PDE4D: variants seen among roughly 807,000 people sequenced by gnomAD.
PDE4D encodes 3',5'-cyclic-AMP phosphodiesterase 4D.
In PDE4D, 24 loss-of-function variants were observed where a neutral mutation model predicts 87.4. The observed-to-expected ratio is 0.27, with a 90% CI of 0.20 to 0.39. The LOEUF is 0.39. Among genes scored for constraint, PDE4D ranks in the 10% least tolerant of loss-of-function variants. The probability of loss-of-function intolerance (pLI) is 1.00; values close to 1 mark genes in which losing one functional copy is unlikely to be tolerated. For synonymous variants in PDE4D, 384 were observed against 383.2 expected (o/e 1.00, Z -0.02); for missense variants, 714 against 1,041.0 (o/e 0.69, Z 4.32).
At chr5:59,065,398 G>A (rs1422885512) in intron 5 of PDE4D, among the ~76,000 whole-genome samples, 2 of 152,106 alleles carry the variant, frequency 1.3e-5, no homozygotes, top group African/African-American at 2.4e-5. Flanking sequence ...GTTCTGGAAA[G>A]CTGCTGTATA....
chr5:59,589,000 T>C (rs73099642), intron 1 of PDE4D, among the ~76,000 whole-genome samples: 3,503 of 152,298 alleles, frequency 0.023, 130 homozygotes, highest in African/African-American at 0.079. Context: ...GCTAGGAACA[T>C]CTACAATGCC....
At chr5:60,460,524 T>C in intron 1 of PDE4D, 2 of 1,470,624 alleles carry the variant, frequency 1.4e-6, no homozygotes, top group Non-Finnish European at 1.9e-6. Context: ...GTTTGTCATA[T>C]TTCTGTTCTA....
chr5:59,152,055 G>A (rs904173832), intron 5 of PDE4D, among the ~76,000 whole-genome samples: 5 of 152,168 alleles, frequency 3.3e-5, no homozygotes, highest in African/African-American at 1.2e-4. Context: ...TGACTGCAGG[G>A]TGTGGAATCT....
chr5:59,240,332 C>T (rs1251250183), intron 1 of PDE4D, among the ~76,000 whole-genome samples: 2 of 152,134 alleles, frequency 1.3e-5, no homozygotes, highest in African/African-American at 2.4e-5. Flanking sequence ...GTTAAAAACT[C>T]TTGTTGAATA....
chr5:59,691,024 T>C (rs927177430), intron 1 of PDE4D, among the ~76,000 whole-genome samples: 9 of 152,088 alleles, frequency 5.9e-5, no homozygotes, highest in African/African-American at 1.2e-4. Context: ...CAATGAGATA[T>C]CATCTCACAC....
intron 1 of PDE4D, among the ~76,000 whole-genome samples, chr5:59,789,743 G>T (rs1382080922): frequency 6.6e-6 from 1 of 152,100 alleles, no homozygotes; most frequent in African/African-American, 2.4e-5. Context: ...TTTAATGGCT[G>T]GCATCTTTAC....
intron 1 of PDE4D, among the ~76,000 whole-genome samples, chr5:59,477,028 A>G (rs1803391635): frequency 6.6e-6 from 1 of 151,952 alleles, no homozygotes; most frequent in Non-Finnish European, 1.5e-5. Context: ...CTACAAATAA[A>G]AGCTAGGGAA....
chr5:59,610,864 G>A (rs1174255550), intron 1 of PDE4D, among the ~76,000 whole-genome samples: 2 of 152,144 alleles, frequency 1.3e-5, no homozygotes, highest in African/African-American at 4.8e-5. Context: ...ACTTGATAAT[G>A]GCAGAAGGTA....
intron 1 of PDE4D, among the ~76,000 whole-genome samples, chr5:59,525,926 TG>T (rs1463012397): frequency 2.0e-5 from 3 of 152,192 alleles, no homozygotes; most frequent in Admixed American, 6.5e-5. Flanking sequence ...CATGCAGAAC[TG>T]TGAGTCAATG....
At chr5:60,429,583 T>A (rs1403775509) in intron 1 of PDE4D, among the ~76,000 whole-genome samples, 1 of 152,194 alleles carries the variant, frequency 6.6e-6, no homozygotes, top group Non-Finnish European at 1.5e-5. Flanking sequence ...GCCCATTCAG[T>A]GTGATGTTGG....
chr5:60,205,779 C>T (rs1447669161), intron 1 of PDE4D, among the ~76,000 whole-genome samples: 5 of 151,556 alleles, frequency 3.3e-5, no homozygotes, highest in African/African-American at 7.3e-5. Flanking sequence ...CTGTAGTACT[C>T]GGGAGGCTGA....
intron 1 of PDE4D, among the ~76,000 whole-genome samples, chr5:60,376,412 T>C (rs572163620): frequency 6.6e-6 from 1 of 152,186 alleles, no homozygotes; most frequent in South Asian, 2.1e-4. Flanking sequence ...GAGCTCACAC[T>C]CCCAGCATTA....
In PDE4D at chr5:60,078,531, C is replaced by T. The variant is rs186041823; in HGVS notation, c.43-89814G>A. On this transcript the variant is annotated intron_variant, in intron 2 of 16. Transcript: ENST00000502484. ...ACCTATTGACCATCCTCTAAGTTCC[C>T]TCCACTCAATCCCCTCCCCAGAACA... Among the ~76,000 whole-genome samples the T allele has an allele frequency of 2.6e-5, 4 of 152,214 alleles. No homozygotes were observed. In the East Asian group the frequency reaches 5.8e-4, roughly 22 times the overall value.
chr5:60,133,498 A>G (rs1779766422), intron 2 of PDE4D, among the ~76,000 whole-genome samples: 1 of 152,046 alleles, frequency 6.6e-6, no homozygotes, highest in African/African-American at 2.4e-5. Flanking sequence ...AACAAATATC[A>G]AAACCTAAAT....
intron 1 of PDE4D, among the ~76,000 whole-genome samples, chr5:59,219,693 G>A (rs781471112): frequency 4.6e-5 from 7 of 152,062 alleles, no homozygotes; most frequent in Non-Finnish European, 1.0e-4. Flanking sequence ...GAAAATAAAA[G>A]CAGCAAAACA....
rs866976156 is a variant in PDE4D, at chr5:58,980,237, C to T, written c.1553-2892G>A. On this transcript the variant is annotated intron_variant, in intron 11 of 14. Transcript: ENST00000340635. Reference sequence around the variant, plus strand: ...ACACATAAATATTTACATAGACATACTCATATAATCCTGTACAAATGAAGA... The same window carrying T: ...ACACATAAATATTTACATAGACATATTCATATAATCCTGTACAAATGAAGA... Among the ~76,000 whole-genome samples the T allele has an allele frequency of 5.5e-4, 84 of 152,244 alleles. 1 individual carries two copies. The Middle Eastern group carries it at 0.01, about 18-fold the overall frequency.
At chr5:59,511,907 T>A (rs1195546185) in intron 1 of PDE4D, among the ~76,000 whole-genome samples, 1 of 152,116 alleles carries the variant, frequency 6.6e-6, no homozygotes. Context: ...TTCTATGGAT[T>A]CAGCACTATA....
At chr5:60,191,416 A>C (rs1270281536) in intron 1 of PDE4D, among the ~76,000 whole-genome samples, 1 of 152,080 alleles carries the variant, frequency 6.6e-6, no homozygotes, top group East Asian at 1.9e-4. Context: ...GTGAGTTCTC[A>C]TGAGATCTGA....
chr5:59,685,777 A>G (rs1186456941), intron 1 of PDE4D, among the ~76,000 whole-genome samples: 1 of 152,080 alleles, frequency 6.6e-6, no homozygotes, highest in Non-Finnish European at 1.5e-5. Flanking sequence ...TGTGTGGGAA[A>G]TTCTGTTACC....
Sources: allele counts gnomAD v4.1 joint callset (sites outside exome capture counted in the v4.1 genomes callset), GRCh38; gene constraint gnomAD v4.1.1; transcripts MANE v1.5; gene names NCBI Gene and HGNC (gene_info 2026-07-23, HGNC 2026-07-21).